The following LRRC43 variants were observed in gnomAD, a reference collection of about 807,000 sequenced individuals.
LRRC43 encodes the protein leucine rich repeat containing 43.
Under a neutral mutation model 64.3 loss-of-function variants are expected in LRRC43, and 62 were observed. The ratio of observed to expected loss-of-function variants is 0.96; its 90% CI spans 0.79 to 1.19. LRRC43 has a LOEUF of 1.19. Among genes scored for constraint, LRRC43 ranks in the 50% most tolerant of loss-of-function variants. The probability of loss-of-function intolerance (pLI) is 0.00; values close to 1 mark genes in which losing one functional copy is unlikely to be tolerated. For synonymous variants in LRRC43, 422 were observed against 382.3 expected (o/e 1.10, Z -1.21); for missense variants, 868 against 845.0 (o/e 1.03, Z -0.34).
chr12:122,195,565 C>T (rs982290970), intron 7 of LRRC43, among the ~76,000 whole-genome samples: 2 of 152,058 alleles, frequency 1.3e-5, no homozygotes, highest in African/African-American at 4.8e-5. Flanking sequence ...GAATATGTCG[C>T]CAGCCTGCCT....
At chr12:122,187,594 G>C in intron 3 of LRRC43, 107 bp from the exon 4 acceptor site, 2 of 954,058 alleles carry the variant, frequency 2.1e-6, no homozygotes, top group South Asian at 3.2e-5. Context: ...CCAGGTGTGA[G>C]TAGTTTGTGA....
intron 7 of LRRC43, among the ~76,000 whole-genome samples, chr12:122,196,824 T>A (rs551731880): frequency 2.2e-4 from 34 of 151,880 alleles, no homozygotes; most frequent in African/African-American, 8.2e-4. Flanking sequence ...GAACAAACAG[T>A]AATTACATAT....
At chr12:122,194,576 A>G (rs78840417) in intron 7 of LRRC43, among the ~76,000 whole-genome samples, 1 of 86,472 alleles carries the variant, frequency 1.2e-5, no homozygotes, top group Admixed American at 1.0e-4. Context: ...CAAAAAAAAA[A>G]AAAAGAAAAG....
chr12:122,188,857 C>A (rs1217498025), intron 4 of LRRC43, among the ~76,000 whole-genome samples: 1 of 152,200 alleles, frequency 6.6e-6, no homozygotes, highest in Non-Finnish European at 1.5e-5. Flanking sequence ...CATACCTGGC[C>A]TGCACCCGCA....
At chr12:122,192,173 T>C (rs1276274283) in intron 6 of LRRC43, among the ~76,000 whole-genome samples, 1 of 152,140 alleles carries the variant, frequency 6.6e-6, no homozygotes, top group Non-Finnish European at 1.5e-5. Flanking sequence ...AGTCTCGCTC[T>C]GTCGCTCAGG....
At position 122,184,501 on chromosome 12, in the gene LRRC43, C is replaced by T. The variant is rs1271798533; in HGVS notation, c.151-18C>T. 1.2e-6 allele frequency: 2 copies of T among 1,610,222 alleles called. No individual in the cohort carries two copies. Among genetic ancestry groups the T allele is most frequent in the Non-Finnish European group, 1.7e-6 (2 of 1,178,118 alleles). ...GGCTGTGTCACACCTACAGAAAATC[C>T]CTCCTCTGCCACTGCAGAATAAGTC... is the stretch of plus-strand genomic sequence containing the variant. On this transcript the variant is annotated intron_variant, in intron 1 of 11. Coordinates refer to ENST00000339777, the MANE Select transcript of LRRC43 (RefSeq NM_001098519.2). The surrounding 1 kb of genome is among the most constrained non-coding windows in gnomAD (Gnocchi z 4.0).
intron 4 of LRRC43, chr12:122,189,924 G>A (rs1354445923): frequency 2.1e-5 from 13 of 629,410 alleles, no homozygotes; most frequent in East Asian, 1.6e-4. Flanking sequence ...CCAACTGTGA[G>A]GGTGGCAGTG....
chr12:122,200,726 C>T lies in LRRC43; in HGVS notation c.1621-20C>T. The T allele has an allele frequency of 6.2e-7, 1 of 1,613,178 alleles. No individual in the cohort carries two copies. The highest frequency in any genetic ancestry group is 1.1e-5 in the South Asian group (1 of 91,060). On this transcript the variant is annotated intron_variant, in intron 9 of 11. Coordinates refer to ENST00000339777, the MANE Select transcript of LRRC43 (RefSeq NM_001098519.2). This position sits in a 1 kb window ranked among gnomAD's most constrained non-coding sequence, Gnocchi z 4.6. The stretch of plus-strand genomic sequence containing the variant: ...CCTTGCTTCAACTTGTCCCACCCTC[C>T]TGTCCTCCCGTCGTCGCAGGAGTGG...
intron 7 of LRRC43, among the ~76,000 whole-genome samples, chr12:122,199,917 C>T (rs1390792384): frequency 6.6e-6 from 1 of 152,202 alleles, no homozygotes; most frequent in African/African-American, 2.4e-5. Context: ...ACTCTTGCTG[C>T]CTTTCGGTTG....
Position 122,200,390 on chromosome 12 carries a change from T to G in LRRC43, c.1491+60T>G. The G allele has an allele frequency of 2.5e-6, 4 of 1,607,782 alleles. No homozygotes were observed. In the South Asian group the frequency reaches 4.4e-5, roughly 18 times the overall value. On this transcript the variant is annotated intron_variant, in intron 8 of 11. Coordinates refer to ENST00000339777, the MANE Select transcript of LRRC43 (RefSeq NM_001098519.2). The surrounding 1 kb of genome is among the most constrained non-coding windows in gnomAD (Gnocchi z 4.6). ...GGCTGCACTTCTGTCCTTGTTCCTG[T>G]TCCCATCGGGCTGTCCCCCATGGGA...
At chr12:122,173,730 C>A in intron 1 of LRRC43, 2 of 907,694 alleles carry the variant, frequency 2.2e-6, no homozygotes, top group East Asian at 2.4e-5. Context: ...TCCCCCATCC[C>A]TTCCTGGCAT....
intron 1 of LRRC43, among the ~76,000 whole-genome samples, chr12:122,170,475 C>G (rs955709152): frequency 6.6e-6 from 1 of 151,832 alleles, no homozygotes; most frequent in Non-Finnish European, 1.5e-5. Flanking sequence ...ACTAAAAATA[C>G]AAAAAATTAG....
chr12:122,190,648 A>C (rs1953707960), intron 5 of LRRC43, among the ~76,000 whole-genome samples: 1 of 152,170 alleles, frequency 6.6e-6, no homozygotes, highest in South Asian at 2.1e-4. Flanking sequence ...AGATCGCTTG[A>C]AGTCAGGAGT....
intron 7 of LRRC43, among the ~76,000 whole-genome samples, chr12:122,197,456 C>T (rs960153301): frequency 8.5e-5 from 13 of 152,118 alleles, no homozygotes; most frequent in South Asian, 2.1e-4. Context: ...TGAGCCACCG[C>T]GCCTGGCCCC....
At chr12:122,193,801 C>G (rs1266706754) in intron 7 of LRRC43, among the ~76,000 whole-genome samples, 2 of 152,222 alleles carry the variant, frequency 1.3e-5, no homozygotes, top group Non-Finnish European at 2.9e-5. Flanking sequence ...CTCAAGTGAT[C>G]TGCCCGCCTC....
rs1415753979 is a variant in LRRC43 at position 122,201,253 on chromosome 12, C to A, written c.1810-43C>A. 1.1e-5 allele frequency: 17 copies of A among 1,606,638 alleles called. No homozygotes were observed. The Admixed American group carries it at 2.5e-4, about 24-fold the overall frequency. Reference sequence around the variant, plus strand: ...CAGAGACACCCCTTCTCTAGTACCTCCCCTCTCCAGTAAGCATCTCGTTTT... The same window carrying A: ...CAGAGACACCCCTTCTCTAGTACCTACCCTCTCCAGTAAGCATCTCGTTTT... On this transcript the variant is annotated intron_variant, in intron 10 of 11. Coordinates refer to ENST00000339777, the MANE Select transcript of LRRC43 (RefSeq NM_001098519.2).
At chr12:122,189,699 C>T (rs1953691465) in intron 4 of LRRC43, among the ~76,000 whole-genome samples, 1 of 152,142 alleles carries the variant, frequency 6.6e-6, no homozygotes, top group African/African-American at 2.4e-5. Flanking sequence ...TCCCACTCCC[C>T]AGCATCAACC....
chr12:122,178,453 C>A (rs1953555529), upstream of LRRC43, among the ~76,000 whole-genome samples: 2 of 152,044 alleles, frequency 1.3e-5, no homozygotes. Flanking sequence ...CCTGAATGTC[C>A]CAGTGATACC....
chr12:122,201,193 C>G, intron 10 of LRRC43, 103 bp from the exon 11 acceptor site: 1 of 1,236,058 alleles, frequency 8.1e-7, no homozygotes, highest in Non-Finnish European at 1.2e-6. Flanking sequence ...CCCCGCCTTC[C>G]TGGACCTGTC....
Sources: allele counts gnomAD v4.1 joint callset (sites outside exome capture counted in the v4.1 genomes callset), GRCh38; gene constraint gnomAD v4.1.1; non-coding constraint Gnocchi (gnomAD v3.1); transcripts MANE v1.5; gene names NCBI Gene and HGNC (gene_info 2026-07-23, HGNC 2026-07-21).